The following CDH4 variants were observed in gnomAD, a reference collection of about 807,000 sequenced individuals.
The protein encoded by CDH4 is cadherin 4, also known as cadherin-4.
Under a neutral mutation model 86.0 loss-of-function variants are expected in CDH4, and 33 were observed. The observed-to-expected ratio is 0.38, with a 90% CI of 0.29 to 0.51. The LOEUF is 0.51. Ranked by LOEUF, CDH4 falls within the 20% of genes least tolerant of loss-of-function variation. The pLI, the probability that CDH4 is intolerant of heterozygous loss-of-function variation, is 0.86. For synonymous variants in CDH4, 555 were observed against 549.4 expected, an observed-to-expected ratio of 1.01 and a Z score of -0.14; for missense variants, 1,114 against 1,307.4, an observed-to-expected ratio of 0.85 and a Z score of 2.28.
intron 3 of CDH4, among the ~76,000 whole-genome samples, chr20:61,766,851 C>A (rs1366813152): frequency 6.6e-6 from 1 of 152,202 alleles, no homozygotes; most frequent in Non-Finnish European, 1.5e-5. Flanking sequence ...TAATACCCAC[C>A]ATGAGTATTT....
intron 2 of CDH4, among the ~76,000 whole-genome samples, chr20:61,313,666 T>A (rs1386321247): frequency 2.6e-5 from 4 of 152,252 alleles, no homozygotes; most frequent in South Asian, 2.1e-4. Flanking sequence ...CTTTTGGTTT[T>A]ATGAAGGTAT....
intron 2 of CDH4, among the ~76,000 whole-genome samples, chr20:61,616,283 G>A (rs943526258): frequency 6.6e-6 from 1 of 152,242 alleles, no homozygotes; most frequent in African/African-American, 2.4e-5. Context: ...CGGGGAATCA[G>A]CCAGCCTCTG....
intron 8 of CDH4, among the ~76,000 whole-genome samples, chr20:61,909,175 G>A (rs1174108060): frequency 6.6e-6 from 1 of 152,220 alleles, no homozygotes; most frequent in Non-Finnish European, 1.5e-5. Flanking sequence ...CCCGGTGGAA[G>A]GGGAGCAGAG....
chr20:61,828,698 C>T (rs1206756159), intron 4 of CDH4, among the ~76,000 whole-genome samples: 1 of 152,234 alleles, frequency 6.6e-6, no homozygotes, highest in Non-Finnish European at 1.5e-5. Flanking sequence ...CCAGTCTCTG[C>T]ACTTCACTTC....
chr20:61,671,723 T>C (rs1334808943), intron 2 of CDH4, among the ~76,000 whole-genome samples: 1 of 146,566 alleles, frequency 6.8e-6, no homozygotes, highest in Non-Finnish European at 1.5e-5. Flanking sequence ...GATAAATGAA[T>C]GGATGGGTGG....
intron 2 of CDH4, among the ~76,000 whole-genome samples, chr20:61,728,350 CAG>C (rs944762056): frequency 1.3e-5 from 2 of 152,202 alleles, no homozygotes; most frequent in African/African-American, 4.8e-5. Context: ...TCACTGTTGA[CAG>C]GGCAATGTTA....
intron 2 of CDH4, among the ~76,000 whole-genome samples, chr20:61,358,128 G>A (rs2084762750): frequency 6.6e-6 from 1 of 152,160 alleles, no homozygotes; most frequent in Non-Finnish European, 1.5e-5. Context: ...GCCTGGATAT[G>A]GGTACTTTGA....
At position 61,324,333 on chromosome 20, in the gene CDH4, TG is replaced by T. The variant is rs747265991; in HGVS notation, c.169+69403del. ...GCTGCCACAACAAATTTTCCCAAAC[TG>T]GGGGGGCTTAAAACAACAGATCTCT... On this transcript the variant is annotated intron_variant, in intron 2 of 15. Coordinates refer to ENST00000614565, the MANE Select transcript of CDH4 (RefSeq NM_001794.5). Among the ~76,000 whole-genome samples, 1,054 of 152,208 alleles carry T rather than the reference TG, an allele frequency of 6.9e-3. 7 individuals carry two copies. Among genetic ancestry groups the T allele is most frequent in the South Asian group, 0.019 (92 of 4,816 alleles).
intron 2 of CDH4, among the ~76,000 whole-genome samples, chr20:61,306,496 C>T (rs2084418224): frequency 6.6e-6 from 1 of 152,088 alleles, no homozygotes; most frequent in Non-Finnish European, 1.5e-5. Context: ...GCCTCTATGC[C>T]TGGCTAATTT....
chr20:61,531,507 A>G (rs1248502477), intron 2 of CDH4, among the ~76,000 whole-genome samples: 1 of 151,120 alleles, frequency 6.6e-6, no homozygotes, highest in African/African-American at 2.5e-5. Flanking sequence ...GGATTTAGCA[A>G]AAGGATTTAC....
At chr20:61,734,369 C>T (rs1241313888) in intron 2 of CDH4, among the ~76,000 whole-genome samples, 1 of 152,226 alleles carries the variant, frequency 6.6e-6, no homozygotes, top group Non-Finnish European at 1.5e-5. Context: ...ACTTCCCAGG[C>T]TCGGAACGGG....
Position 61,756,906 on chromosome 20 carries a change from A to G in CDH4, c.396+13117A>G, listed in dbSNP as rs561730047. Among the ~76,000 whole-genome samples the G allele has an allele frequency of 3.0e-4, 46 of 152,270 alleles. No individual in the cohort carries two copies. The South Asian group carries it at 9.3e-3, about 31-fold the overall frequency. On this transcript the variant is annotated intron_variant, in intron 3 of 15. Transcript: ENST00000614565. ...TAGAAGGTCCCGAGGTGGGGGTCCA[A>G]GTTTGAAGCTCACATCTCCAGAAAA...
chr20:61,265,499 G>C (rs975393246), intron 2 of CDH4, among the ~76,000 whole-genome samples: 1 of 149,496 alleles, frequency 6.7e-6, no homozygotes, highest in Admixed American at 6.7e-5. Flanking sequence ...CCTTCATTCA[G>C]TCCTACACAT....
At chr20:61,358,397 C>T (rs572454578) in intron 2 of CDH4, among the ~76,000 whole-genome samples, 1 of 152,310 alleles carries the variant, frequency 6.6e-6, no homozygotes, top group African/African-American at 2.4e-5. Context: ...GCTCAGGGTC[C>T]GGCATGGCCA....
chr20:61,704,877 C>T lies in CDH4; in HGVS notation c.170-38686C>T, dbSNP rs6061320. Among the ~76,000 whole-genome samples, 135 of 152,316 alleles carry T rather than the reference C, an allele frequency of 8.9e-4. 1 individual carries two copies. The highest frequency in any genetic ancestry group is 3.1e-3 in the African/African-American group (130 of 41,576). On this transcript the variant is annotated intron_variant, in intron 2 of 15. Transcript: ENST00000614565. ...GTGACTACAGGAATGTCTCCAGATA[C>T]TGCCAAGTGTCTCCTAGGGCCAAAT...
rs79890253 is a variant in CDH4 at position 61,804,324 on chromosome 20, G to A, written c.576+31142G>A. ...GGTGCAGGTGAGGAGACAGAGGACC[G>A]AGGCGGGTAGAAGTGACAGGAGAGG... On this transcript the variant is annotated intron_variant, in intron 4 of 15. Transcript: ENST00000614565. Among the ~76,000 whole-genome samples the A allele has an allele frequency of 7.5e-3, 1,146 of 152,320 alleles. 16 individuals carry two copies. The highest frequency in any genetic ancestry group is 0.026 in the African/African-American group (1,085 of 41,560).
At chr20:61,852,335 A>G (rs1490317023) in intron 5 of CDH4, among the ~76,000 whole-genome samples, 1 of 152,152 alleles carries the variant, frequency 6.6e-6, no homozygotes, top group African/African-American at 2.4e-5. Context: ...GGCAGGAGTT[A>G]AGCCCCCGCC....
At chr20:61,791,938 C>G (rs1474324937) in intron 4 of CDH4, among the ~76,000 whole-genome samples, 3 of 151,986 alleles carry the variant, frequency 2.0e-5, no homozygotes. Context: ...GTCCCAGGGC[C>G]CCCAGCCAGT....
At chr20:61,866,190 C>T (rs1317103568) in intron 6 of CDH4, among the ~76,000 whole-genome samples, 1 of 152,156 alleles carries the variant, frequency 6.6e-6, no homozygotes, top group Admixed American at 6.5e-5. Context: ...TTATGAGCTT[C>T]AGCCCCTGGG....
Sources: gnomAD v4.1 joint callset for allele counts (sites outside exome capture counted in the v4.1 genomes callset) on GRCh38, gnomAD v4.1.1 for gene constraint, MANE v1.5 for transcripts, NCBI Gene and HGNC (gene_info 2026-07-23, HGNC 2026-07-21) for gene names.